USP37: variants seen among roughly 807,000 people sequenced by gnomAD.
USP37 encodes the protein ubiquitin specific peptidase 37.
Under a neutral mutation model 124.0 loss-of-function variants are expected in USP37, and 27 were observed. That is an observed-to-expected ratio of 0.22 (90% confidence interval 0.16 to 0.30). The LOEUF (loss-of-function observed/expected upper bound fraction) is 0.30, where lower values mean the gene tolerates loss of function less well. Ranked by LOEUF, USP37 falls within the 10% of genes least tolerant of loss-of-function variation. USP37 has a pLI of 1.00. For synonymous variants in USP37, 365 were observed against 388.0 expected, an observed-to-expected ratio of 0.94 and a Z score of 0.70; for missense variants, 889 against 1,140.4, an observed-to-expected ratio of 0.78 and a Z score of 3.17.
Position 218,495,650 on chromosome 2 carries a change from C to A in USP37, c.1472+110G>T. The A allele has an allele frequency of 2.4e-6, 3 of 1,235,162 alleles. No homozygotes were observed. In the Admixed American group the frequency reaches 8.3e-5, roughly 34 times the overall value. The allele number at this position is 1,235,162 out of a possible 1,614,324, so 76.5% of individuals were successfully genotyped here. The stretch of plus-strand genomic sequence containing the variant: ...AAGAGCCTAGGCAACTGTGTGAGAC[C>A]CTGTCTTAAAAACAGAAAAGAATTC... On this transcript the variant is annotated intron_variant, in intron 14 of 25. Transcript: ENST00000258399.
At chr2:218,514,151 A>G (rs918210432) in intron 10 of USP37, 3 of 152,150 alleles carry the variant, frequency 2.0e-5, no homozygotes, top group African/African-American at 7.2e-5. Context: ...AAAAGTTGCA[A>G]AATGGCTTTC....
intron 10 of USP37, among the ~76,000 whole-genome samples, chr2:218,524,505 T>C (rs1182220187): frequency 6.6e-6 from 1 of 152,238 alleles, no homozygotes; most frequent in South Asian, 2.1e-4. Flanking sequence ...CTGTATTTCT[T>C]TTGTCCAATG....
chr2:218,556,547 CTT>C (rs1270009636), intron 4 of USP37, among the ~76,000 whole-genome samples: 2 of 100,616 alleles, frequency 2.0e-5, no homozygotes, highest in Non-Finnish European at 3.6e-5. Context: ...GAGTTTCGCT[CTT>C]GTTGCCCAGG....
intron 20 of USP37, among the ~76,000 whole-genome samples, chr2:218,467,458 C>T (rs1465303229): frequency 6.6e-6 from 1 of 152,080 alleles, no homozygotes; most frequent in Non-Finnish European, 1.5e-5. Flanking sequence ...CAGCGATTCT[C>T]CTGCTTCAGC....
intron 23 of USP37, among the ~76,000 whole-genome samples, chr2:218,459,289 C>T (rs537328787): frequency 5.9e-5 from 9 of 152,272 alleles, no homozygotes; most frequent in Admixed American, 3.3e-4. Flanking sequence ...GCAACCTCCT[C>T]CTCTTCCCAG....
chr2:218,520,922 G>A (rs1373185291), intron 10 of USP37, among the ~76,000 whole-genome samples: 2 of 152,180 alleles, frequency 1.3e-5, no homozygotes, highest in African/African-American at 4.8e-5. Flanking sequence ...TGGAGGTGGG[G>A]CTTGGTGGAA....
intron 9 of USP37, among the ~76,000 whole-genome samples, chr2:218,533,492 C>T (rs1691451655): frequency 6.6e-6 from 1 of 152,176 alleles, no homozygotes; most frequent in Non-Finnish European, 1.5e-5. Flanking sequence ...TTCTCTCCTC[C>T]ACATCAAATT....
chr2:218,485,559 C>G, intron 16 of USP37, 105 bp downstream of exon 16: 1 of 1,228,216 alleles, frequency 8.1e-7, no homozygotes, highest in Non-Finnish European at 1.1e-6. Flanking sequence ...TTCATTTATT[C>G]AGTAATATTT....
chr2:218,564,400 T>A (rs1463089082), intron 1 of USP37, among the ~76,000 whole-genome samples: 1 of 152,184 alleles, frequency 6.6e-6, no homozygotes, highest in Admixed American at 6.5e-5. Flanking sequence ...AGACATTACA[T>A]AATTTATAAA....
intron 15 of USP37, among the ~76,000 whole-genome samples, chr2:218,486,682 C>CAAAGT (rs61151861): frequency 0.66 from 100,274 of 151,484 alleles, 33,605 homozygotes; most frequent in East Asian, 0.9. Flanking sequence ...CTTGGCCTCA[C>CAAAGT]CTTGGGATTA....
At chr2:218,560,506 C>T (rs1371598234) in intron 3 of USP37, among the ~76,000 whole-genome samples, 1 of 152,194 alleles carries the variant, frequency 6.6e-6, no homozygotes, top group African/African-American at 2.4e-5. Context: ...TGTCTGTTTT[C>T]TGAATTTATT....
intron 8 of USP37, among the ~76,000 whole-genome samples, chr2:218,545,749 T>C (rs1182836153): frequency 2.0e-5 from 3 of 152,302 alleles, no homozygotes; most frequent in East Asian, 1.9e-4. Context: ...GGTTGATCTA[T>C]TCCCTTTTGT....
At chr2:218,465,949 T>C in intron 21 of USP37, 61 bp downstream of exon 21, 2 of 1,547,026 alleles carry the variant, frequency 1.3e-6, no homozygotes, top group Non-Finnish European at 1.7e-6. Context: ...CATTAGTTAT[T>C]ATTATTATAT....
At chr2:218,537,969 G>A (rs1418467026) in intron 8 of USP37, among the ~76,000 whole-genome samples, 2 of 152,204 alleles carry the variant, frequency 1.3e-5, no homozygotes, top group Non-Finnish European at 2.9e-5. Context: ...GGAGCTAAGT[G>A]CTATCACACC....
intron 22 of USP37, among the ~76,000 whole-genome samples, chr2:218,461,340 C>A (rs768282465): frequency 5.9e-5 from 9 of 151,840 alleles, no homozygotes; most frequent in Non-Finnish European, 1.2e-4. Context: ...AACTCCACCT[C>A]TACTAAAAAT....
In USP37 at chr2:218,456,948, C is replaced by T. The variant is rs1020984540; in HGVS notation, c.2713+144G>A. ...TTGTGCCACTACACTCCATCCTGGG[C>T]AACAGAGTGAGACTGGATCTCAAAA... is the stretch of plus-strand genomic sequence containing the variant. On this transcript the variant is annotated intron_variant, in intron 24 of 25. Transcript: ENST00000258399. The T allele has an allele frequency of 2.1e-5, 16 of 777,162 alleles. No individual in the cohort carries two copies. In the African/African-American group the frequency reaches 2.7e-4, roughly 13 times the overall value. 48.1% of individuals were successfully genotyped at this position (777,162 alleles called of 1,614,324 possible). A position where few individuals can be genotyped will look rare whatever the true frequency, so the allele number is the denominator to read the frequency against.
intron 18 of USP37, among the ~76,000 whole-genome samples, chr2:218,477,626 A>G (rs1184950867): frequency 1.3e-5 from 2 of 152,228 alleles, no homozygotes; most frequent in East Asian, 3.8e-4. Flanking sequence ...CAAGAACTAT[A>G]AAGTCATTTA....
rs746385899 is a variant in USP37, at chr2:218,497,855, C to A, written c.1160G>T (p.Arg387Leu). 2.5e-6 allele frequency: 4 copies of A among 1,611,942 alleles called. No individual in the cohort carries two copies. The South Asian group carries it at 4.4e-5, about 18-fold the overall frequency. ...KKIPLNALIRRFAHLLVKKDI... is the reference protein window; with the variant it reads ...KKIPLNALIRLFAHLLVKKDI... Reference sequence around the variant, plus strand: ...TTTTTTAACAAGCAAGTGTGCAAAGCGTCTAGTAAAACAAAAAACACAAAG... The same window carrying A: ...TTTTTTAACAAGCAAGTGTGCAAAGAGTCTAGTAAAACAAAAAACACAAAG... The change falls in exon 13 of 26, where the codon CGC (arginine) becomes CTC (leucine). Residue 387 changes from arginine (R) to leucine (L), a missense_variant and splice_region_variant. Arg to Leu is a moderately radical substitution (Grantham distance 102). Coordinates refer to ENST00000258399, the MANE Select transcript of USP37 (RefSeq NM_020935.3).
At chr2:218,456,240 G>C (rs1039367382) in intron 24 of USP37, among the ~76,000 whole-genome samples, 1 of 152,048 alleles carries the variant, frequency 6.6e-6, no homozygotes, top group Non-Finnish European at 1.5e-5. Flanking sequence ...CTTGAGGCCA[G>C]GAGTTTGAAA....
Sources: allele counts gnomAD v4.1 joint callset (sites outside exome capture counted in the v4.1 genomes callset), GRCh38; gene constraint gnomAD v4.1.1; transcripts MANE v1.5; gene names NCBI Gene and HGNC (gene_info 2026-07-23, HGNC 2026-07-21).